Variants in LGR6 observed in about 807,000 individuals in gnomAD.
LGR6 encodes the protein leucine-rich repeat-containing G protein-coupled receptor 6.
A neutral mutation model predicts 69.4 loss-of-function variants in LGR6; 45 were observed. The ratio of observed to expected loss-of-function variants is 0.65; its 90% CI spans 0.51 to 0.83. The LOEUF is 0.83. LGR6 is among the 40% of genes least tolerant of loss of function. The pLI, the probability that LGR6 is intolerant of heterozygous loss-of-function variation, is 0.00. For missense variants in LGR6, 1,108 were observed against 1,246.7 expected, an observed-to-expected ratio of 0.89 and a Z score of 1.68; for synonymous variants, 538 against 555.0, an observed-to-expected ratio of 0.97 and a Z score of 0.43.
At chr1:202,221,461 C>T (rs753089040) in intron 1 of LGR6, among the ~76,000 whole-genome samples, 27 of 152,170 alleles carry the variant, frequency 1.8e-4, no homozygotes, top group Non-Finnish European at 3.8e-4. Flanking sequence ...AACTGCCCCT[C>T]TCTTCTCTCC....
At chr1:202,304,071 G>C (rs1218283810) in intron 10 of LGR6, among the ~76,000 whole-genome samples, 1 of 151,936 alleles carries the variant, frequency 6.6e-6, no homozygotes, top group East Asian at 1.9e-4. Context: ...CCAGCTCCTG[G>C]TTCTTCCCTT....
At chr1:202,224,023 G>T (rs528364793) in intron 1 of LGR6, among the ~76,000 whole-genome samples, 1 of 151,914 alleles carries the variant, frequency 6.6e-6, no homozygotes, top group South Asian at 2.1e-4. Context: ...GCTTGGTGCT[G>T]CCCTATTTTT....
chr1:202,318,421 C>A lies in LGR6; in HGVS notation c.2118C>A (p.Ala706=). 6.2e-7 allele frequency: 1 copy of A among 1,610,566 alleles called. No homozygotes were observed. The highest frequency in any genetic ancestry group is 8.5e-7 in the Non-Finnish European group (1 of 1,178,458). Residue 706 remains alanine (A), a synonymous_variant, in exon 18 of 18, where the codon GCC becomes GCA. Transcript: ENST00000367278. ...LAGLAAALPL[A]SVGEYGASPL... ...GGCTGGCCGCCGCGCTGCCCCTGGC[C>A]TCAGTGGGAGAATACGGGGCCTCCC...
chr1:202,228,184 T>C (rs1660717162), intron 3 of LGR6, among the ~76,000 whole-genome samples, 177 bp downstream of exon 3: 1 of 152,204 alleles, frequency 6.6e-6, no homozygotes, highest in Non-Finnish European at 1.5e-5. Context: ...GTAACAAACT[T>C]TATGATTTGT....
rs1224929850 is a variant in LGR6, at chr1:202,227,953, A to G, written c.302A>G (p.His101Arg). ...ATTTCCAGGCGTCTCTCTGGGAACC[A>G]TCTCTCACACATCCCAGGACAAGCA... Reference protein sequence around the residue: ...FLEELRLSGNHLSHIPGQAFS... With the variant: ...FLEELRLSGNRLSHIPGQAFS... Residue 101 changes from histidine (H) to arginine (R), a missense_variant, in exon 3 of 18, where the codon CAT becomes CGT. By Grantham distance (29) the His-to-Arg change is conservative (BLOSUM62 0). Transcript: ENST00000367278. 3.1e-6 allele frequency: 5 copies of G among 1,613,882 alleles called. No individual in the cohort carries two copies. Among genetic ancestry groups the G allele is most frequent in the South Asian group, 1.1e-5 (1 of 91,068 alleles).
At chr1:202,254,727 T>G (rs1663611012) in intron 4 of LGR6, among the ~76,000 whole-genome samples, 1 of 151,968 alleles carries the variant, frequency 6.6e-6, no homozygotes, top group East Asian at 1.9e-4. Flanking sequence ...GCTGGGTGAG[T>G]GTGCCAGCAC....
chr1:202,311,341 G>A (rs2148301302), intron 16 of LGR6, among the ~76,000 whole-genome samples: 1 of 152,320 alleles, frequency 6.6e-6, no homozygotes, highest in Non-Finnish European at 1.5e-5. Context: ...ACCATACTGA[G>A]CCTCACTTTC....
rs748353668 is a variant in LGR6, at chr1:202,291,351, G to C, written c.717-6157G>C. ...GCCATGGATGAGTTTTCCTGCTGAA[G>C]TTTAGGGCATCATAAGCCATCCTGC... is the stretch of plus-strand genomic sequence containing the variant. On this transcript the variant is annotated intron_variant, in intron 6 of 17. Coordinates refer to ENST00000367278, the MANE Select transcript of LGR6 (RefSeq NM_001017403.2). 2.0e-5 allele frequency among the ~76,000 whole-genome samples: 3 copies of C among 152,188 alleles called. No homozygotes were observed. The East Asian group carries it at 5.8e-4, about 29-fold the overall frequency.
Position 202,310,282 on chromosome 1 carries a change from G to A in LGR6, c.1492G>A (p.Glu498Lys), listed in dbSNP as rs750116313. The A allele has an allele frequency of 1.2e-6, 2 of 1,614,122 alleles. No homozygotes were observed. Among genetic ancestry groups the A allele is most frequent in the Non-Finnish European group, 8.5e-7 (1 of 1,180,010 alleles). The change falls in exon 16 of 18, where the codon GAA becomes AAA. Residue 498 changes from glutamate to lysine, a missense_variant. Transcript: ENST00000367278. ...FFKASGQWEA[E>K]DLHLDDEESS... is the part of the protein sequence containing the mutation. ...CAAGGCCTCTGGGCAGTGGGAGGCT[G>A]AAGACCTTCACCTTGATGATGAGGA... is the stretch of plus-strand genomic sequence containing the variant.
chr1:202,209,083 G>C (rs977483988), intron 1 of LGR6, among the ~76,000 whole-genome samples: 1 of 152,096 alleles, frequency 6.6e-6, no homozygotes, highest in African/African-American at 2.4e-5. Flanking sequence ...CTGGGAATGT[G>C]ATCACTGGGA....
rs1558083108 is a variant in LGR6 at position 202,308,931 on chromosome 1, C to T, written c.1281-120C>T. 22 of 1,236,752 alleles carry T rather than the reference C, an allele frequency of 1.8e-5. No individual in the cohort carries two copies. In the Middle Eastern group the frequency reaches 7.8e-4, roughly 44 times the overall value. 76.6% of individuals were successfully genotyped at this position (1,236,752 alleles called of 1,614,324 possible). ...CAATGCTCTCTTCTAAGCTTCTCTC[C>T]TGTCCTTTGCTCCTCTCCTCTTGCT... On this transcript the variant is annotated intron_variant, in intron 14 of 17. Coordinates refer to ENST00000367278, the MANE Select transcript of LGR6 (RefSeq NM_001017403.2).
intron 11 of LGR6, among the ~76,000 whole-genome samples, chr1:202,305,178 C>G (rs554149003): frequency 6.6e-6 from 1 of 152,254 alleles, no homozygotes; most frequent in Non-Finnish European, 1.5e-5. Context: ...CCAGACTCAG[C>G]CTTGCCACTG....
chr1:202,264,417 G>A (rs547416113), intron 4 of LGR6, among the ~76,000 whole-genome samples: 8 of 152,244 alleles, frequency 5.3e-5, no homozygotes, highest in East Asian at 3.9e-4. Flanking sequence ...GAAGCAAGTC[G>A]GGAAGATCTC....
intron 4 of LGR6, among the ~76,000 whole-genome samples, chr1:202,267,239 C>G (rs1348792149): frequency 1.3e-5 from 2 of 152,144 alleles, no homozygotes; most frequent in Non-Finnish European, 2.9e-5. Flanking sequence ...GATGATGGAT[C>G]TGGGGAGTCC....
chr1:202,288,971 G>T (rs1010090232), intron 6 of LGR6, among the ~76,000 whole-genome samples: 1 of 152,228 alleles, frequency 6.6e-6, no homozygotes, highest in African/African-American at 2.4e-5. Context: ...ATTGCATCCA[G>T]AGGTCTGATT....
intron 1 of LGR6, chr1:202,210,875 C>T (rs1659437635): frequency 6.6e-6 from 1 of 152,218 alleles, no homozygotes; most frequent in Non-Finnish European, 1.5e-5. Flanking sequence ...GTGCCCGACA[C>T]TTGCCTAGGC....
intron 10 of LGR6, 63 bp from the exon 11 acceptor site, chr1:202,304,496 G>T: frequency 8.4e-7 from 1 of 1,197,502 alleles, no homozygotes; most frequent in Non-Finnish European, 1.2e-6. Context: ...GAGCTGGAGC[G>T]GGGTGGCTGG....
In LGR6 at chr1:202,318,839, G is replaced by A. The variant is rs1388072583; in HGVS notation, c.2536G>A (p.Gly846Arg). The part of the protein sequence containing the change: ...DDLRRLRPRA[G>R]DSGPLAYAAA... ...CCTTCGGCGGCTTCGGCCCCGCGCA[G>A]GGGACTCAGGGCCCCTAGCCTATGC... Residue 846 changes from glycine (G) to arginine (R), a missense_variant, in exon 18 of 18, where the codon GGG becomes AGG. Gly to Arg is a moderately radical substitution (Grantham distance 125). Coordinates refer to ENST00000367278, the MANE Select transcript of LGR6 (RefSeq NM_001017403.2). 1 of 1,613,322 alleles carries A rather than the reference G, an allele frequency of 6.2e-7. No individual in the cohort carries two copies. Among genetic ancestry groups the A allele is most frequent in the South Asian group, 1.1e-5 (1 of 91,006 alleles).
At chr1:202,306,605 C>T (rs539217611) in intron 12 of LGR6, among the ~76,000 whole-genome samples, 1 of 152,308 alleles carries the variant, frequency 6.6e-6, no homozygotes, top group South Asian at 2.1e-4. Context: ...GGGCTGGGAG[C>T]CAGGCCCAGT....
Sources: gnomAD v4.1 joint callset for allele counts (sites outside exome capture counted in the v4.1 genomes callset) on GRCh38, gnomAD v4.1.1 for gene constraint, MANE v1.5 for transcripts, NCBI Gene and HGNC (gene_info 2026-07-23, HGNC 2026-07-21) for gene names.